COL18A1: variants seen among roughly 807,000 people sequenced by gnomAD.
COL18A1 encodes the protein collagen type XVIII alpha 1 chain, also known as collagen alpha-1(XVIII) chain.
A neutral mutation model predicts 168.0 loss-of-function variants in COL18A1; 133 were observed. The observed-to-expected ratio is 0.79, with a 90% CI of 0.69 to 0.91. The LOEUF is 0.91. COL18A1 is among the 40% of genes least tolerant of loss of function. The pLI is 0.00. For synonymous variants in COL18A1, 949 were observed against 809.0 expected, an observed-to-expected ratio of 1.17 and a Z score of -2.94; for missense variants, 2,126 against 1,925.4, an observed-to-expected ratio of 1.10 and a Z score of -1.95.
intron 7 of COL18A1, 43 bp downstream of exon 7, chr21:45,477,530 G>A (rs774761826): frequency 6.4e-7 from 1 of 1,552,970 alleles, no homozygotes; most frequent in South Asian, 1.2e-5. Flanking sequence ...CTGAACCAGA[G>A]CACCTGTGGC....
rs944484754 is a variant in COL18A1, at chr21:45,509,569, C to G, written c.3463C>G (p.Pro1155Ala). 2.6e-6 allele frequency: 4 copies of G among 1,530,164 alleles called. No homozygotes were observed. The East Asian group carries it at 9.7e-5, about 37-fold the overall frequency. 94.8% of individuals were successfully genotyped at this position (1,530,164 alleles called of 1,614,324 possible). ...GCGGCCGGCGCGACCCACAAGCCCACCCGCCCACAGCCACCGCGACTTCCA... is the reference window on the plus strand; with the variant it reads ...GCGGCCGGCGCGACCCACAAGCCCAGCCGCCCACAGCCACCGCGACTTCCA... ...HLRPARPTSP[P>A]AHSHRDFQPV... is the part of the protein sequence containing the mutation. Residue 1155 changes from proline to alanine, a missense_variant, in exon 39 of 42, where the codon CCC becomes GCC. Transcript: ENST00000651438.
intron 2 of COL18A1, chr21:45,409,901 C>G (rs999995895): frequency 6.6e-5 from 10 of 152,280 alleles, no homozygotes; most frequent in African/African-American, 2.4e-4. Context: ...TCTGTGTTGT[C>G]CCCTGGCGCT....
At chr21:45,466,192 C>T (rs557221126) in intron 2 of COL18A1, among the ~76,000 whole-genome samples, 39 of 152,224 alleles carry the variant, frequency 2.6e-4, no homozygotes, top group African/African-American at 8.4e-4. Context: ...AGGGGAGGGG[C>T]GGGGACGTTC....
rs115114212 is a variant in COL18A1 at position 45,490,935 on chromosome 21, C to T, written c.2067+64C>T. 661 of 1,471,746 alleles carry T rather than the reference C, an allele frequency of 4.5e-4. 3 individuals are homozygous for T. In the African/African-American group the frequency reaches 8.4e-3, roughly 19 times the overall value. 91.2% of individuals were successfully genotyped at this position (1,471,746 alleles called of 1,614,324 possible). ...GCTGGGACATCCCAGAAGGTTTGGC[C>T]TCAGCTGCCCCAGGTCCGTGCCCCT... is the stretch of plus-strand genomic sequence containing the variant. On this transcript the variant is annotated intron_variant, in intron 21 of 41. Coordinates refer to ENST00000651438, the MANE Select transcript of COL18A1 (RefSeq NM_001379500.1).
rs111167520 is a variant in COL18A1 at position 45,437,942 on chromosome 21, T to A, written c.107-30300T>A. Among the ~76,000 whole-genome samples, 33 of 10,648 alleles carry A rather than the reference T, an allele frequency of 3.1e-3. 1 individual carries two copies. Among genetic ancestry groups the A allele is most frequent in the South Asian group, 5.3e-3 (2 of 378 alleles). 7.0% of individuals were successfully genotyped at this position (10,648 alleles called of 152,430 possible). ...CTCTCCTGCACACACACACACACAC[T>A]CAGACACACAGGCACTCTCCTGCAC... On this transcript the variant is annotated intron_variant, in intron 2 of 41. Coordinates refer to ENST00000651438, the MANE Select transcript of COL18A1 (RefSeq NM_001379500.1).
At position 45,455,488 on chromosome 21, in the gene COL18A1, C is replaced by G. The variant is rs553986145; in HGVS notation, c.107-12754C>G. 3.2e-4 allele frequency: 518 copies of G among 1,607,596 alleles called. 10 individuals are homozygous for G. In the South Asian group the frequency reaches 3.5e-3, roughly 11 times the overall value. ...GCCTGGCTAGCCCCACCTCCAGGCA[C>G]AGAGGCCCTCCCGCCGCCCGCAGCT... On this transcript the variant is annotated intron_variant, in intron 2 of 41. Coordinates refer to ENST00000651438, the MANE Select transcript of COL18A1 (RefSeq NM_001379500.1).
intron 2 of COL18A1, among the ~76,000 whole-genome samples, chr21:45,406,061 TGCCCC>T (rs1173632095): frequency 6.6e-6 from 1 of 151,742 alleles, no homozygotes. Flanking sequence ...CAGAAGCCGC[TGCCCC>T]GCCGGCCTCG....
At chr21:45,486,531 C>T (rs2036119121) in intron 15 of COL18A1, among the ~76,000 whole-genome samples, 2 of 133,082 alleles carry the variant, frequency 1.5e-5, no homozygotes. Flanking sequence ...TCTCTTCTCC[C>T]CTTGCCTGCC....
At chr21:45,493,120 A>T in intron 24 of COL18A1, 43 bp from the exon 25 acceptor site, 6 of 1,530,000 alleles carry the variant, frequency 3.9e-6, no homozygotes, top group South Asian at 1.2e-5. Flanking sequence ...GGGATGGGGG[A>T]GATGCCAGCC....
intron 2 of COL18A1, among the ~76,000 whole-genome samples, chr21:45,417,924 C>T (rs1460085235): frequency 6.6e-6 from 1 of 152,276 alleles, no homozygotes; most frequent in Non-Finnish European, 1.5e-5. Flanking sequence ...GCGCAGCTGG[C>T]AGCACTCTGT....
chr21:45,477,959 C>T lies in COL18A1; in HGVS notation c.1215C>T (p.Gly405=), dbSNP rs370283993. 180 of 1,508,370 alleles carry T rather than the reference C, an allele frequency of 1.2e-4. 1 individual carries two copies. In the African/African-American group the frequency reaches 2.1e-3, roughly 17 times the overall value. The allele number at this position is 1,508,370 out of a possible 1,614,324, so 93.4% of individuals were successfully genotyped here. A position where few individuals can be genotyped will look rare whatever the true frequency, so the allele number is the denominator to read the frequency against. ...PGRDGTPGRD[G]EPGDPGEDGK... is the part of the protein sequence containing the mutation. ...GGGACGGCACCCCTGGAAGGGACGGCGAGCCGGTGAGTCCTCACGTCCCCC... is the reference window on the plus strand; with the variant it reads ...GGGACGGCACCCCTGGAAGGGACGGTGAGCCGGTGAGTCCTCACGTCCCCC... The change falls in exon 8 of 42, where the codon GGC becomes GGT. Residue 405 remains glycine, a synonymous_variant. Transcript: ENST00000651438.
intron 2 of COL18A1, among the ~76,000 whole-genome samples, chr21:45,413,259 T>C (rs916436772): frequency 2.6e-5 from 4 of 152,248 alleles, no homozygotes; most frequent in Non-Finnish European, 5.9e-5. Flanking sequence ...AGCCCCGCGC[T>C]GTGCCTGCTG....
chr21:45,490,562 G>A (rs1265736513), intron 20 of COL18A1, among the ~76,000 whole-genome samples: 5 of 118,392 alleles, frequency 4.2e-5, no homozygotes, highest in East Asian at 2.5e-4. Flanking sequence ...CTGGGTCTCC[G>A]TGTGCCCTCT....
chr21:45,478,672 G>T (rs1018151472), intron 9 of COL18A1, among the ~76,000 whole-genome samples: 4 of 151,780 alleles, frequency 2.6e-5, no homozygotes, highest in Non-Finnish European at 5.9e-5. Context: ...AGGGGGTGGT[G>T]CAAGTCGGCG....
intron 2 of COL18A1, among the ~76,000 whole-genome samples, chr21:45,459,684 CAGGTCCACGAGGAAGGGAGTG>C (rs1449357975): frequency 6.6e-6 from 1 of 152,222 alleles, no homozygotes; most frequent in Non-Finnish European, 1.5e-5. Context: ...GCTTGTCCCT[CAGGTCCACGAGGAAGGGAGTG>C]AGGCCCCCTC....
At chr21:45,447,269 A>T (rs2034526149) in intron 2 of COL18A1, among the ~76,000 whole-genome samples, 1 of 151,790 alleles carries the variant, frequency 6.6e-6, no homozygotes, top group Non-Finnish European at 1.5e-5. Flanking sequence ...TCTAACCTCT[A>T]AAAAGTTTTT....
chr21:45,492,785 C>G, intron 24 of COL18A1, 72 bp downstream of exon 24: 5 of 1,180,196 alleles, frequency 4.2e-6, no homozygotes, highest in Non-Finnish European at 6.2e-6. Flanking sequence ...CACAGAGCAG[C>G]CCGGTCGAGC....
intron 25 of COL18A1, 92 bp downstream of exon 25, chr21:45,493,317 A>AC (rs1260271288): frequency 1.0e-4 from 147 of 1,422,950 alleles, no homozygotes; most frequent in East Asian, 2.2e-4. Context: ...GGGACCTGGG[A>AC]CCCCCCGGCT....
chr21:45,414,381 G>A (rs573832188), intron 2 of COL18A1, among the ~76,000 whole-genome samples: 1 of 152,248 alleles, frequency 6.6e-6, no homozygotes, highest in African/African-American at 2.4e-5. Context: ...CACCCCCAAA[G>A]GAATGGGCTC....
Sources: gnomAD v4.1 joint callset for allele counts (sites outside exome capture counted in the v4.1 genomes callset) on GRCh38, gnomAD v4.1.1 for gene constraint, MANE v1.5 for transcripts, NCBI Gene and HGNC (gene_info 2026-07-23, HGNC 2026-07-21) for gene names.